The following PHACTR3 variants were observed in gnomAD, a reference collection of about 807,000 sequenced individuals.
PHACTR3 encodes the protein protein phosphatase 1, regulatory subunit 123.
A neutral mutation model predicts 66.8 loss-of-function variants in PHACTR3; 16 were observed. That is an observed-to-expected ratio of 0.24 (90% CI 0.16 to 0.36). The LOEUF (loss-of-function observed/expected upper bound fraction) is 0.36, where lower values mean the gene tolerates loss of function less well. PHACTR3 is among the 10% of genes least tolerant of loss of function. The pLI is 1.00. For missense variants in PHACTR3, 647 were observed against 719.9 expected (o/e 0.90, Z 1.16); for synonymous variants, 323 against 292.1 (o/e 1.11, Z -1.08).
intron 7 of PHACTR3, among the ~76,000 whole-genome samples, chr20:59,787,107 C>T (rs2040941885): frequency 6.6e-6 from 1 of 152,228 alleles, no homozygotes; most frequent in Non-Finnish European, 1.5e-5. Context: ...CCAGTGCTGG[C>T]CTAGACACAC....
intron 1 of PHACTR3, among the ~76,000 whole-genome samples, chr20:59,680,675 G>A (rs2036611070): frequency 6.6e-6 from 1 of 150,706 alleles, no homozygotes; most frequent in Non-Finnish European, 1.5e-5. Context: ...TTTTTTTTTA[G>A]CTCATCAACT....
chr20:59,654,621 A>G (rs2035557684), intron 1 of PHACTR3, among the ~76,000 whole-genome samples: 1 of 152,160 alleles, frequency 6.6e-6, no homozygotes, highest in Non-Finnish European at 1.5e-5. Context: ...AAGCTTTTAA[A>G]TTTTACTACC....
intron 7 of PHACTR3, among the ~76,000 whole-genome samples, chr20:59,792,656 T>C (rs1180234174): frequency 6.6e-6 from 1 of 152,218 alleles, no homozygotes; most frequent in Non-Finnish European, 1.5e-5. Context: ...TTGCATTTTT[T>C]CTAATAATTA....
At chr20:59,755,633 C>T (rs1034873369) in intron 4 of PHACTR3, among the ~76,000 whole-genome samples, 1 of 152,190 alleles carries the variant, frequency 6.6e-6, no homozygotes, top group African/African-American at 2.4e-5. Context: ...CACCTACCCC[C>T]CCTCCCAGGG....
At chr20:59,812,561 A>G (rs2041767704) in intron 8 of PHACTR3, among the ~76,000 whole-genome samples, 1 of 152,192 alleles carries the variant, frequency 6.6e-6, no homozygotes, top group African/African-American at 2.4e-5. Flanking sequence ...GGAGACAGAC[A>G]GTGTCCCCGC....
intron 1 of PHACTR3, among the ~76,000 whole-genome samples, chr20:59,735,090 G>GT (rs2038902385): frequency 6.6e-6 from 1 of 152,018 alleles, no homozygotes; most frequent in Non-Finnish European, 1.5e-5. Context: ...TGGTCTCCAC[G>GT]TATTGGTGTT....
At chr20:59,583,326 T>A (rs182795978) in intron 1 of PHACTR3, among the ~76,000 whole-genome samples, 10 of 152,210 alleles carry the variant, frequency 6.6e-5, no homozygotes, top group African/African-American at 2.4e-4. Context: ...ACAGATCCAG[T>A]CAATTTACTT....
chr20:59,622,984 A>AAAC (rs2146369465), intron 1 of PHACTR3, among the ~76,000 whole-genome samples: 1 of 140,424 alleles, frequency 7.1e-6, no homozygotes, highest in East Asian at 2.0e-4. Context: ...CTTTAACCAA[A>AAAC]AAAAAAAAAA....
intron 8 of PHACTR3, among the ~76,000 whole-genome samples, chr20:59,809,593 T>G (rs1352284638): frequency 6.6e-6 from 1 of 152,234 alleles, no homozygotes; most frequent in African/African-American, 2.4e-5. Context: ...GATTCTTCTC[T>G]CTGGGGCTTG....
At chr20:59,650,493 ACTACTGTATCTACC>A (rs1486485613) in intron 1 of PHACTR3, among the ~76,000 whole-genome samples, 1 of 152,170 alleles carries the variant, frequency 6.6e-6, no homozygotes, top group East Asian at 1.9e-4. Context: ...AAAACAATGA[ACTACTGTATCTACC>A]CATCAGACTA....
chr20:59,846,574 GATTATAC>G lies in PHACTR3; in HGVS notation c.1665-535_1665-529del, dbSNP rs147475824. Among the ~76,000 whole-genome samples, 636 of 152,060 alleles carry G rather than the reference GATTATAC, an allele frequency of 4.2e-3. 9 individuals are homozygous for G. Among genetic ancestry groups the G allele is most frequent in the African/African-American group, 0.014 (571 of 41,478 alleles). On this transcript the variant is annotated intron_variant, in intron 12 of 12. Coordinates refer to ENST00000371015, the MANE Select transcript of PHACTR3 (RefSeq NM_080672.5). ...GCAATCTCAATTTTGTACATTTTCC[GATTATAC>G]ATTATTAAATGTTTAGTAAAGATGT... is the stretch of plus-strand genomic sequence containing the variant.
At chr20:59,731,245 C>G (rs896482733) in intron 1 of PHACTR3, among the ~76,000 whole-genome samples, 1 of 152,170 alleles carries the variant, frequency 6.6e-6, no homozygotes, top group African/African-American at 2.4e-5. Flanking sequence ...CTGAAATGCT[C>G]ATTTTCCTCC....
intron 1 of PHACTR3, among the ~76,000 whole-genome samples, chr20:59,698,749 A>ATTAATT (rs1159027447): frequency 2.6e-5 from 4 of 152,122 alleles, no homozygotes; most frequent in Non-Finnish European, 5.9e-5. Flanking sequence ...TTTGCAGCAA[A>ATTAATT]CATTTATTAA....
At chr20:59,595,329 G>A (rs1376109875) in intron 1 of PHACTR3, among the ~76,000 whole-genome samples, 1 of 152,154 alleles carries the variant, frequency 6.6e-6, no homozygotes, top group East Asian at 1.9e-4. Flanking sequence ...CGGCATGGTG[G>A]TGCACGCCTG....
rs568412392 is a variant in PHACTR3, at chr20:59,837,760, A to G, written c.1384+1200A>G. 3.3e-5 allele frequency among the ~76,000 whole-genome samples: 5 copies of G among 152,350 alleles called. No individual in the cohort carries two copies. In the East Asian group the frequency reaches 5.8e-4, roughly 18 times the overall value. The stretch of plus-strand genomic sequence containing the variant: ...AGTTGCAGATGCTACTAAAAGTAGC[A>G]GTCCAGACTTGAACCAGGCAAGTTC... On this transcript the variant is annotated intron_variant, in intron 9 of 12. Transcript: ENST00000371015.
intron 8 of PHACTR3, among the ~76,000 whole-genome samples, chr20:59,831,081 G>A (rs2042357875): frequency 6.7e-6 from 1 of 149,604 alleles, no homozygotes. Context: ...ACAGGGCCAG[G>A]TGTGTCGTAG....
intron 1 of PHACTR3, among the ~76,000 whole-genome samples, chr20:59,670,307 G>A (rs2036145946): frequency 6.6e-6 from 1 of 152,236 alleles, no homozygotes; most frequent in Non-Finnish European, 1.5e-5. Context: ...GGCAATGGGT[G>A]CAGAGCCATG....
chr20:59,814,911 A>G (rs934877796), intron 8 of PHACTR3, among the ~76,000 whole-genome samples: 1 of 152,098 alleles, frequency 6.6e-6, no homozygotes, highest in African/African-American at 2.4e-5. Context: ...GGTTGGGTAC[A>G]TCAAGGGTAA....
chr20:59,801,004 C>T (rs1326429208), intron 7 of PHACTR3, among the ~76,000 whole-genome samples: 7 of 152,190 alleles, frequency 4.6e-5, no homozygotes, highest in Admixed American at 4.6e-4. Context: ...GCCATGTGTG[C>T]ACCGGGCACT....
Sources: allele counts gnomAD v4.1 joint callset (sites outside exome capture counted in the v4.1 genomes callset), GRCh38; gene constraint gnomAD v4.1.1; transcripts MANE v1.5; gene names NCBI Gene and HGNC (gene_info 2026-07-23, HGNC 2026-07-21).